Variants in NWD1 observed in about 807,000 individuals in gnomAD.
NWD1 encodes the protein NACHT and WD repeat domain containing 1, also known as NACHT domain- and WD repeat-containing protein 1.
A neutral mutation model predicts 135.1 loss-of-function variants in NWD1; 129 were observed. The ratio of observed to expected loss-of-function variants is 0.96; its 90% CI spans 0.83 to 1.11. The LOEUF is 1.11. Among genes scored for constraint, NWD1 ranks in the 50% least tolerant of loss-of-function variants. The pLI is 0.00. For synonymous variants in NWD1, 773 were observed against 786.0 expected, an observed-to-expected ratio of 0.98 and a Z score of 0.28; for missense variants, 1,740 against 1,851.3, an observed-to-expected ratio of 0.94 and a Z score of 1.10.
Position 16,815,008 on chromosome 19 carries a change from C to T in NWD1, c.4288-20C>T, listed in dbSNP as rs370537897. 52 of 1,609,722 alleles carry T rather than the reference C, an allele frequency of 3.2e-5. No homozygotes were observed. Among genetic ancestry groups the T allele is most frequent in the African/African-American group, 4.0e-5 (3 of 74,816 alleles). Reference sequence around the variant, plus strand: ...TACACCCCATTTTTCTCATTTGTGTCCTTCTCTTCACCCTTACAGGCACCC... The same window carrying T: ...TACACCCCATTTTTCTCATTTGTGTTCTTCTCTTCACCCTTACAGGCACCC... On this transcript the variant is annotated intron_variant, in intron 18 of 18. Coordinates refer to ENST00000524140, the MANE Select transcript of NWD1 (RefSeq NM_001007525.5).
intron 6 of NWD1, among the ~76,000 whole-genome samples, chr19:16,757,982 GCAGAGA>G (rs1341767866): frequency 1.3e-5 from 2 of 151,974 alleles, no homozygotes; most frequent in African/African-American, 4.8e-5. Flanking sequence ...AAGCCAGGAG[GCAGAGA>G]TTGCAGTGAG....
At chr19:16,760,957 C>G (rs1256613573) in intron 7 of NWD1, among the ~76,000 whole-genome samples, 2 of 152,180 alleles carry the variant, frequency 1.3e-5, no homozygotes, top group Admixed American at 1.3e-4. Flanking sequence ...TCACCTCTGT[C>G]TAGTTCCAGA....
rs1968490324 is a variant in NWD1, at chr19:16,749,841, C to T, written c.1199C>T (p.Pro400Leu). ...CAGGTGTGCCTGGCCTATGGGCTGC[C>T]CTTGCCCCCTGCCCAGGTTCTGGAC... ...CFQVCLAYGL[P>L]LPPAQVLDAH... is the part of the protein sequence containing the mutation. Residue 400 changes from proline (P) to leucine (L), a missense_variant, in exon 6 of 19, where the codon CCC becomes CTC. Physicochemically the swap from Pro to Leu is moderately conservative, Grantham distance 98 (BLOSUM62 -3). Transcript: ENST00000524140. The T allele has an allele frequency of 6.2e-7, 1 of 1,611,758 alleles. No individual in the cohort carries two copies. The highest frequency in any genetic ancestry group is 1.3e-5 in the African/African-American group (1 of 74,922).
chr19:16,796,413 G>T (rs1970418795), intron 15 of NWD1, among the ~76,000 whole-genome samples: 1 of 152,142 alleles, frequency 6.6e-6, no homozygotes, highest in Non-Finnish European at 1.5e-5. Context: ...AGTGAGCCAA[G>T]ATCATGCCAC....
chr19:16,735,972 A>T (rs895952800), intron 3 of NWD1, among the ~76,000 whole-genome samples: 2 of 151,686 alleles, frequency 1.3e-5, no homozygotes, highest in African/African-American at 4.8e-5. Context: ...TCAAAAAAAA[A>T]AAAAAAGATA....
intron 6 of NWD1, among the ~76,000 whole-genome samples, chr19:16,753,431 C>T (rs1290369191): frequency 6.6e-6 from 1 of 152,130 alleles, no homozygotes; most frequent in African/African-American, 2.4e-5. Context: ...TTGGTTGCTC[C>T]AGTTCCATGA....
At chr19:16,767,167 CTTTTTTTTTTTTTTTT>C (rs56324724) in intron 10 of NWD1, among the ~76,000 whole-genome samples, 4 of 66,974 alleles carry the variant, frequency 6.0e-5, no homozygotes, top group African/African-American at 1.9e-4. Context: ...AGAGGTGCGT[CTTTTTTTTTTTTTTTT>C]TTTTTTTTTT....
At position 16,807,994 on chromosome 19, in the gene NWD1, T is replaced by C. The variant is rs966617821; in HGVS notation, c.4145T>C (p.Phe1382Ser). 6.2e-7 allele frequency: 1 copy of C among 1,614,112 alleles called. No individual in the cohort carries two copies. The highest frequency in any genetic ancestry group is 1.1e-5 in the South Asian group (1 of 91,072). ...FLYECATSKA[F>S]PLETHRSRVA... ...TACGAGTGTGCAACTTCCAAAGCGT[T>C]TCCCTTGGAGACCCACAGGAGCCGA... The change falls in exon 18 of 19, where the codon TTT becomes TCT. Residue 1382 changes from phenylalanine (F) to serine (S), a missense_variant. By Grantham distance (155) the Phe-to-Ser change is radical (BLOSUM62 -2). Transcript: ENST00000524140.
In NWD1 at chr19:16,815,422, G is replaced by T. The variant is rs1055436759; in HGVS notation, c.*383G>T. 1.6e-6 allele frequency: 1 copy of T among 617,766 alleles called. No homozygotes were observed. Among genetic ancestry groups the T allele is most frequent in the African/African-American group, 1.8e-5 (1 of 54,062 alleles). The allele number at this position is 617,766 out of a possible 1,614,324, so 38.3% of individuals were successfully genotyped here. ...TAAAGCAAAAAGAATACGTTTGCTG[G>T]TGTATATCTGGACCCATGGCTTCAG... On this transcript the variant is annotated 3_prime_UTR_variant, in exon 19 of 19. Transcript: ENST00000524140.
intron 12 of NWD1, among the ~76,000 whole-genome samples, chr19:16,788,760 C>G (rs1568381649): frequency 6.6e-6 from 1 of 152,064 alleles, no homozygotes; most frequent in Non-Finnish European, 1.5e-5. Context: ...ATTAGGCATA[C>G]AAGCGTGAGA....
At chr19:16,795,713 G>T (rs1317938947) in intron 15 of NWD1, among the ~76,000 whole-genome samples, 1 of 152,078 alleles carries the variant, frequency 6.6e-6, no homozygotes, top group Admixed American at 6.6e-5. Flanking sequence ...CACCACACCT[G>T]GCCTAATTTG....
intron 13 of NWD1, among the ~76,000 whole-genome samples, chr19:16,790,706 A>T (rs1183223607): frequency 2.0e-5 from 3 of 152,042 alleles, no homozygotes; most frequent in Non-Finnish European, 2.9e-5. Context: ...CAACATGCTG[A>T]AATTCAAAGA....
intron 18 of NWD1, among the ~76,000 whole-genome samples, chr19:16,813,988 CAAAAAAA>C (rs563328787): frequency 8.0e-6 from 1 of 124,276 alleles, no homozygotes; most frequent in African/African-American, 3.0e-5. Flanking sequence ...TCTGTCTCTA[CAAAAAAA>C]AAAAAATTAA....
At chr19:16,763,231 C>G (rs142166924) in intron 8 of NWD1, among the ~76,000 whole-genome samples, 200 of 152,186 alleles carry the variant, frequency 1.3e-3, no homozygotes, top group African/African-American at 4.5e-3. Flanking sequence ...GCCTCTCAGT[C>G]TCTTGCCCTA....
chr19:16,801,883 G>C (rs1007723656), intron 17 of NWD1, among the ~76,000 whole-genome samples: 1 of 152,068 alleles, frequency 6.6e-6, no homozygotes, highest in South Asian at 2.1e-4. Flanking sequence ...TTCTCGCGAG[G>C]TTGTTAAAAA....
chr19:16,753,257 T>A (rs1376257019), intron 6 of NWD1, among the ~76,000 whole-genome samples: 1 of 152,180 alleles, frequency 6.6e-6, no homozygotes, highest in African/African-American at 2.4e-5. Flanking sequence ...TGTGACCAGG[T>A]GCCATCTTAC....
intron 14 of NWD1, 47 bp from the exon 15 acceptor site, chr19:16,794,416 C>T: frequency 9.1e-7 from 1 of 1,093,802 alleles, no homozygotes; most frequent in Admixed American, 1.9e-5. Context: ...AGACTTGTAA[C>T]CCTTAACCCG....
In NWD1 at chr19:16,815,247, C is replaced by T. The variant is rs758137418; in HGVS notation, c.*208C>T. On this transcript the variant is annotated 3_prime_UTR_variant, in exon 19 of 19. Coordinates refer to ENST00000524140, the MANE Select transcript of NWD1 (RefSeq NM_001007525.5). ...GAGGAGCTAGTTGCAGCTGCAGGAG[C>T]TCCCCAGGACTTGGAGTCAGAAAGT... 9 of 782,926 alleles carry T rather than the reference C, an allele frequency of 1.1e-5. No individual in the cohort carries two copies. Among genetic ancestry groups the T allele is most frequent in the Non-Finnish European group, 2.1e-5 (9 of 419,990 alleles). 48.5% of individuals were successfully genotyped at this position (782,926 alleles called of 1,614,324 possible).
intron 5 of NWD1, 94 bp downstream of exon 5, chr19:16,744,812 C>A: frequency 9.1e-7 from 1 of 1,095,998 alleles, no homozygotes; most frequent in Non-Finnish European, 1.3e-6. Flanking sequence ...CAACAGTCTG[C>A]ATTTCTTGCA....
Sources: allele counts gnomAD v4.1 joint callset (sites outside exome capture counted in the v4.1 genomes callset), GRCh38; gene constraint gnomAD v4.1.1; transcripts MANE v1.5; gene names NCBI Gene and HGNC (gene_info 2026-07-23, HGNC 2026-07-21).